The following DDX31 variants were observed in gnomAD, a reference collection of about 807,000 sequenced individuals.
DDX31 encodes the protein DEAD-box helicase 31, also known as ATP-dependent DNA helicase DDX31.
Under a neutral mutation model 91.3 loss-of-function variants are expected in DDX31, and 70 were observed. That is an observed-to-expected ratio of 0.77 (90% CI 0.63 to 0.94). The LOEUF is 0.94. DDX31 is among the 40% of genes least tolerant of loss of function. The pLI is 0.00. For synonymous variants in DDX31, 362 were observed against 350.6 expected (o/e 1.03, Z -0.36); for missense variants, 902 against 925.0 (o/e 0.98, Z 0.32).
At chr9:132,645,462 T>C (rs1833769379) in intron 13 of DDX31, among the ~76,000 whole-genome samples, 1 of 152,194 alleles carries the variant, frequency 6.6e-6, no homozygotes, top group Non-Finnish European at 1.5e-5. Flanking sequence ...CAGTACCATA[T>C]GGGATCCACA....
At chr9:132,639,680 AAAC>A (rs1334823927) in intron 14 of DDX31, among the ~76,000 whole-genome samples, 1 of 152,226 alleles carries the variant, frequency 6.6e-6, no homozygotes, top group Non-Finnish European at 1.5e-5. Flanking sequence ...CTAAAAATAC[AAAC>A]AACAGAACTT....
rs943552985 is a variant in DDX31 at position 132,593,122 on chromosome 9, T to C, written c.*1744A>G. The stretch of plus-strand genomic sequence containing the variant: ...GATTCTACTTAGAAACAGACCCACA[T>C]AGCATCTATGGCAAGAAACCCTCAC... On this transcript the variant is annotated 3_prime_UTR_variant, in exon 20 of 20. Coordinates refer to ENST00000372159, the MANE Select transcript of DDX31 (RefSeq NM_022779.9). 5.3e-5 allele frequency: 8 copies of C among 152,214 alleles called. No individual in the cohort carries two copies. The highest frequency in any genetic ancestry group is 7.3e-5 in the Non-Finnish European group (5 of 68,044). 9.4% of individuals were successfully genotyped at this position (152,214 alleles called of 1,614,324 possible).
intron 14 of DDX31, among the ~76,000 whole-genome samples, chr9:132,635,454 G>GTT (rs1228979525): frequency 8.5e-6 from 1 of 118,146 alleles, no homozygotes; most frequent in Admixed American, 8.1e-5. Context: ...TATGTACATA[G>GTT]CTTTTTTTTT....
intron 1 of DDX31, among the ~76,000 whole-genome samples, chr9:132,666,467 T>C (rs1564345224): frequency 6.6e-6 from 1 of 152,188 alleles, no homozygotes; most frequent in Non-Finnish European, 1.5e-5. Context: ...AGTGGGTTTT[T>C]AAAAATCTTT....
chr9:132,608,477 C>T (rs1451783638), intron 19 of DDX31, among the ~76,000 whole-genome samples: 2 of 152,144 alleles, frequency 1.3e-5, no homozygotes, highest in East Asian at 1.9e-4. Flanking sequence ...CCTCTCCCAT[C>T]GCATGGACCA....
chr9:132,652,764 T>C (rs1451253865), intron 6 of DDX31, among the ~76,000 whole-genome samples: 1 of 152,134 alleles, frequency 6.6e-6, no homozygotes, highest in Non-Finnish European at 1.5e-5. Flanking sequence ...GTTATTCTCG[T>C]GATAATGAAT....
intron 19 of DDX31, among the ~76,000 whole-genome samples, chr9:132,609,950 G>A (rs1589977811): frequency 1.3e-5 from 2 of 152,294 alleles, no homozygotes; most frequent in East Asian, 3.9e-4. Flanking sequence ...TAATCATTTG[G>A]CAGATCTCTT....
chr9:132,638,017 G>T, intron 14 of DDX31: 1 of 1,132,674 alleles, frequency 8.8e-7, no homozygotes, highest in African/African-American at 1.6e-5. Flanking sequence ...TGCTTCAAGC[G>T]GAAAAAAATA....
chr9:132,629,579 T>C (rs913962152), intron 16 of DDX31, among the ~76,000 whole-genome samples: 1 of 152,244 alleles, frequency 6.6e-6, no homozygotes, highest in Non-Finnish European at 1.5e-5. Flanking sequence ...AGTGCTTTTT[T>C]CTAGCACTGT....
chr9:132,659,781 C>T lies in DDX31; in HGVS notation c.453-1G>A, dbSNP rs1401831948. The T allele has an allele frequency of 6.2e-7, 1 of 1,612,876 alleles. No homozygotes were observed. Among genetic ancestry groups the T allele is most frequent in the Non-Finnish European group, 8.5e-7 (1 of 1,179,398 alleles). ...CACAGGAATACTTTGCTTCTGAACA[C>T]TGGGCCACCCGAAAAAAAGAACACA... On this transcript the variant is annotated splice_acceptor_variant, in intron 4 of 19. Transcript: ENST00000372159. LOFTEE classifies it high-confidence loss of function.
chr9:132,661,376 C>T (rs1248430086), intron 3 of DDX31, 125 bp from the exon 4 acceptor site: 1 of 826,766 alleles, frequency 1.2e-6, no homozygotes, highest in Non-Finnish European at 1.9e-6. Context: ...GTTCCTCCAC[C>T]CAGGTGGTGC....
At chr9:132,626,081 TTGAGCAGATGATGA>T (rs956495329) in intron 16 of DDX31, among the ~76,000 whole-genome samples, 2 of 151,908 alleles carry the variant, frequency 1.3e-5, no homozygotes, top group Non-Finnish European at 2.9e-5. Flanking sequence ...CTCCCTTGAT[TTGAGCAGATGATGA>T]TGAAATAGAA....
chr9:132,636,839 G>T (rs1350462894), intron 14 of DDX31, among the ~76,000 whole-genome samples: 1 of 152,114 alleles, frequency 6.6e-6, no homozygotes, highest in East Asian at 1.9e-4. Context: ...GAGAGAACTG[G>T]ACTGCTTGCT....
chr9:132,635,487 T>C (rs907071650), intron 14 of DDX31, among the ~76,000 whole-genome samples: 7 of 129,760 alleles, frequency 5.4e-5, no homozygotes, highest in Admixed American at 1.8e-4. Flanking sequence ...TGAGATGGAG[T>C]CTCGCTCTGT....
rs751678872 is a variant in DDX31, at chr9:132,650,183, A to T, written c.740+51T>A. The T allele has an allele frequency of 2.6e-6, 4 of 1,564,906 alleles. No homozygotes were observed. In the South Asian group the frequency reaches 4.4e-5, roughly 17 times the overall value. On this transcript the variant is annotated intron_variant, in intron 9 of 19. Coordinates refer to ENST00000372159, the MANE Select transcript of DDX31 (RefSeq NM_022779.9). ...GAAGGACCCAGCCTTACTGAATAGG[A>T]AGGCAGGACACATTCAAGAAGGAAA...
At chr9:132,646,439 T>G (rs1833844017) in intron 12 of DDX31, among the ~76,000 whole-genome samples, 1 of 152,154 alleles carries the variant, frequency 6.6e-6, no homozygotes, top group African/African-American at 2.4e-5. Context: ...TTCCACTTAC[T>G]ATTTTCTCAC....
chr9:132,629,466 G>T (rs954945704), intron 16 of DDX31, among the ~76,000 whole-genome samples: 13 of 152,240 alleles, frequency 8.5e-5, no homozygotes, highest in Non-Finnish European at 1.9e-4. Context: ...CGGGGCAGGT[G>T]TGGTGGGGAC....
At chr9:132,606,491 C>T (rs1361168568) in intron 19 of DDX31, among the ~76,000 whole-genome samples, 3 of 152,138 alleles carry the variant, frequency 2.0e-5, no homozygotes, top group East Asian at 1.9e-4. Flanking sequence ...CGCGGGTACT[C>T]GCGACAATGA....
chr9:132,625,223 A>G (rs898717489), intron 17 of DDX31, among the ~76,000 whole-genome samples: 3 of 152,324 alleles, frequency 2.0e-5, no homozygotes, highest in Non-Finnish European at 2.9e-5. Context: ...TGTGGATAGC[A>G]CACACACATT....
Sources: gnomAD v4.1 joint callset for allele counts (sites outside exome capture counted in the v4.1 genomes callset) on GRCh38, gnomAD v4.1.1 for gene constraint, MANE v1.5 for transcripts, NCBI Gene and HGNC (gene_info 2026-07-23, HGNC 2026-07-21) for gene names.